Variants in ARFGEF1 observed in about 807,000 individuals in gnomAD.
ARFGEF1 encodes ARF guanine nucleotide exchange factor 1.
A neutral mutation model predicts 231.0 loss-of-function variants in ARFGEF1; 42 were observed. The observed-to-expected ratio is 0.18, with a 90% CI of 0.14 to 0.24. The LOEUF (loss-of-function observed/expected upper bound fraction) is 0.24, where lower values mean the gene tolerates loss of function less well. Among genes scored for constraint, ARFGEF1 ranks in the 10% least tolerant of loss-of-function variants. The pLI, the probability that ARFGEF1 is intolerant of heterozygous loss-of-function variation, is 1.00. For missense variants in ARFGEF1, 1,345 were observed against 2,192.0 expected (o/e 0.61, Z 7.72); for synonymous variants, 710 against 732.3 (o/e 0.97, Z 0.49).
chr8:67,342,721 C>A (rs1808700236), intron 1 of ARFGEF1, among the ~76,000 whole-genome samples: 1 of 152,144 alleles, frequency 6.6e-6, no homozygotes, highest in African/African-American at 2.4e-5. Flanking sequence ...CCTCGCCAAA[C>A]GAAAAAGTTA....
intron 1 of ARFGEF1, among the ~76,000 whole-genome samples, chr8:67,324,112 T>C (rs1424703752): frequency 6.6e-6 from 1 of 152,132 alleles, no homozygotes; most frequent in African/African-American, 2.4e-5. Flanking sequence ...CAACCTACTT[T>C]TCAATATGCC....
chr8:67,258,049 T>C (rs1479427372), intron 16 of ARFGEF1, 36 bp downstream of exon 16: 2 of 1,556,636 alleles, frequency 1.3e-6, no homozygotes, highest in Middle Eastern at 1.7e-4. Flanking sequence ...GGTTTGGATA[T>C]AACAGACAAT....
intron 19 of ARFGEF1, among the ~76,000 whole-genome samples, chr8:67,245,846 C>T (rs1840089091): frequency 6.7e-6 from 1 of 150,310 alleles, no homozygotes; most frequent in Admixed American, 6.7e-5. Flanking sequence ...CTGTTGTGTA[C>T]ATGAGACACA....
At chr8:67,321,517 G>A (rs1452484985) in intron 1 of ARFGEF1, among the ~76,000 whole-genome samples, 1 of 152,160 alleles carries the variant, frequency 6.6e-6, no homozygotes, top group Admixed American at 6.5e-5. Context: ...CTGGAGTGCA[G>A]TGGTGCAATC....
rs569738252 is a variant in ARFGEF1 at position 67,217,562 on chromosome 8, G to C, written c.4613+220C>G. Among the ~76,000 whole-genome samples, 9 of 152,106 alleles carry C rather than the reference G, an allele frequency of 5.9e-5. No individual in the cohort carries two copies. The South Asian group carries it at 1.2e-3, about 21-fold the overall frequency. On this transcript the variant is annotated intron_variant, in intron 32 of 38. Transcript: ENST00000262215. Reference sequence around the variant, plus strand: ...ATTATGTCCCAAATTTTGGTAACCAGACTAAAGGTTTTGGTTTATAAATAG... The same window carrying C: ...ATTATGTCCCAAATTTTGGTAACCACACTAAAGGTTTTGGTTTATAAATAG...
chr8:67,193,672 T>C (rs1837057335), downstream of ARFGEF1: 5 of 1,343,752 alleles, frequency 3.7e-6, no homozygotes. Flanking sequence ...ACTCAAGGCT[T>C]TCACTAACGT....
intron 10 of ARFGEF1, among the ~76,000 whole-genome samples, chr8:67,268,437 T>C (rs531989533): frequency 6.6e-6 from 1 of 152,160 alleles, no homozygotes; most frequent in African/African-American, 2.4e-5. Context: ...AGCAAACTCA[T>C]GAGGGTGCCC....
chr8:67,218,221 T>C (rs1353286848), intron 30 of ARFGEF1, 83 bp from the exon 31 acceptor site: 2 of 230,914 alleles, frequency 8.7e-6, no homozygotes, highest in Non-Finnish European at 7.4e-6. Flanking sequence ...TATATATATA[T>C]ATATATATAT....
chr8:67,295,689 A>C (rs1806203145), intron 5 of ARFGEF1, among the ~76,000 whole-genome samples: 1 of 152,210 alleles, frequency 6.6e-6, no homozygotes, highest in Admixed American at 6.5e-5. Context: ...CCTGGGTCAA[A>C]TCTTAAAACA....
chr8:67,289,746 A>G (rs1805928656), intron 6 of ARFGEF1, among the ~76,000 whole-genome samples: 1 of 152,106 alleles, frequency 6.6e-6, no homozygotes, highest in African/African-American at 2.4e-5. Flanking sequence ...TTATTTTATA[A>G]AATATCCAAA....
rs766795922 is a variant in ARFGEF1, at chr8:67,211,635, T to A, written c.4687-20A>T. The A allele has an allele frequency of 3.0e-6, 4 of 1,348,766 alleles. No homozygotes were observed. Among genetic ancestry groups the A allele is most frequent in the South Asian group, 3.2e-5 (2 of 61,820 alleles). The allele number at this position is 1,348,766 out of a possible 1,614,324, so 83.5% of individuals were successfully genotyped here. A position where few individuals can be genotyped will look rare whatever the true frequency, so the allele number is the denominator to read the frequency against. On this transcript the variant is annotated intron_variant, in intron 33 of 38. Coordinates refer to ENST00000262215, the MANE Select transcript of ARFGEF1 (RefSeq NM_006421.5). ...TGTATCCTAATAAATAAAAAAAAAATCACTGTAAGTATGGTTAATAAAGTT... is the reference window on the plus strand; with the variant it reads ...TGTATCCTAATAAATAAAAAAAAAAACACTGTAAGTATGGTTAATAAAGTT...
chr8:67,274,422 G>A (rs1805227851), intron 9 of ARFGEF1, among the ~76,000 whole-genome samples: 2 of 151,432 alleles, frequency 1.3e-5, no homozygotes, highest in Admixed American at 1.3e-4. Flanking sequence ...ATTGTTTAAT[G>A]ACCCTGACAG....
intron 14 of ARFGEF1, among the ~76,000 whole-genome samples, chr8:67,262,230 C>T (rs1463470015): frequency 1.3e-5 from 2 of 152,138 alleles, no homozygotes; most frequent in African/African-American, 4.8e-5. Flanking sequence ...CTGATTCTAA[C>T]CCTTATGGAC....
rs1554634846 is a variant in ARFGEF1, at chr8:67,211,363, A to AAG, written c.4819+119_4819+120insCT. ...TCCGTCTCAAAAAAAAAAAAAAAAA[A>AAG]AAGAAGTGATGACACAATCAATTAT... On this transcript the variant is annotated intron_variant, in intron 34 of 38. Coordinates refer to ENST00000262215, the MANE Select transcript of ARFGEF1 (RefSeq NM_006421.5). The AAG allele has an allele frequency of 1.1e-4, 72 of 674,472 alleles. No homozygotes were observed. The African/African-American group carries it at 1.2e-3, about 12-fold the overall frequency. The allele number at this position is 674,472 out of a possible 1,614,324, so 41.8% of individuals were successfully genotyped here.
At chr8:67,307,998 G>T (rs1052818347) in intron 1 of ARFGEF1, among the ~76,000 whole-genome samples, 5 of 152,214 alleles carry the variant, frequency 3.3e-5, no homozygotes, top group African/African-American at 7.2e-5. Flanking sequence ...TGGCCCTGTT[G>T]TGAGAAGCCC....
At chr8:67,236,913 A>C (rs1839788279) in intron 22 of ARFGEF1, among the ~76,000 whole-genome samples, 1 of 152,170 alleles carries the variant, frequency 6.6e-6, no homozygotes, top group African/African-American at 2.4e-5. Flanking sequence ...ATTCATTTTC[A>C]AGTATACCAG....
intron 1 of ARFGEF1, among the ~76,000 whole-genome samples, chr8:67,305,977 TA>T (rs1806724798): frequency 6.6e-6 from 1 of 152,226 alleles, no homozygotes; most frequent in South Asian, 2.1e-4. Context: ...AGCAAGAATT[TA>T]TTTTTCCTTC....
At chr8:67,223,631 G>T (rs959853153) in intron 29 of ARFGEF1, among the ~76,000 whole-genome samples, 2 of 152,194 alleles carry the variant, frequency 1.3e-5, no homozygotes. Flanking sequence ...TTAACAACTG[G>T]AATCTACCCA....
Position 67,279,817 on chromosome 8 carries a change from A to G in ARFGEF1, c.1028-2360T>C, listed in dbSNP as rs140994911. On this transcript the variant is annotated intron_variant, in intron 7 of 38. Coordinates refer to ENST00000262215, the MANE Select transcript of ARFGEF1 (RefSeq NM_006421.5). ...AGGGAAGAGTAAATGAATAAATACA[A>G]GCACATAAAATCATTTGAGATATAC... Among the ~76,000 whole-genome samples, 511 of 152,312 alleles carry G rather than the reference A, an allele frequency of 3.4e-3. 6 individuals carry two copies. Among genetic ancestry groups the G allele is most frequent in the African/African-American group, 0.011 (453 of 41,568 alleles).
Sources: allele counts gnomAD v4.1 joint callset (sites outside exome capture counted in the v4.1 genomes callset), GRCh38; gene constraint gnomAD v4.1.1; transcripts MANE v1.5; gene names NCBI Gene and HGNC (gene_info 2026-07-23, HGNC 2026-07-21).